HIVEP1: variants seen among roughly 807,000 people sequenced by gnomAD.
HIVEP1 encodes zinc finger protein 40.
A neutral mutation model predicts 180.0 loss-of-function variants in HIVEP1; 36 were observed. That is an observed-to-expected ratio of 0.20 (90% CI 0.15 to 0.26). The LOEUF (loss-of-function observed/expected upper bound fraction) is 0.26. Ranked by LOEUF, HIVEP1 falls within the 10% of genes least tolerant of loss-of-function variation. The probability of loss-of-function intolerance (pLI) is 1.00; values close to 1 mark genes in which losing one functional copy is unlikely to be tolerated. For missense variants in HIVEP1, 3,143 were observed against 3,268.7 expected (o/e 0.96, Z 0.94); for synonymous variants, 1,239 against 1,239.0 (o/e 1.00, Z 0.00).
chr6:12,162,953 G>T (rs1453533913), intron 8 of HIVEP1, among the ~76,000 whole-genome samples: 1 of 152,152 alleles, frequency 6.6e-6, no homozygotes, highest in South Asian at 2.1e-4. Flanking sequence ...AAAAATAGCA[G>T]CTTAAGAATA....
intron 7 of HIVEP1, among the ~76,000 whole-genome samples, chr6:12,141,722 C>CAAAAAAAAAAAAAAAAA (rs1759048706): frequency 1.9e-5 from 1 of 53,142 alleles, no homozygotes; most frequent in Non-Finnish European, 3.8e-5. Context: ...AAAAAAAAAG[C>CAAAAAAAAAAAAAAAAA]AGGGGTTGCA....
chr6:12,155,875 G>C (rs1462464328), intron 7 of HIVEP1, among the ~76,000 whole-genome samples: 1 of 152,152 alleles, frequency 6.6e-6, no homozygotes, highest in African/African-American at 2.4e-5. Context: ...CACTAGCAGT[G>C]TCAAAGCATT....
chr6:12,022,044 A>C (rs1768257385), intron 2 of HIVEP1, among the ~76,000 whole-genome samples: 3 of 152,256 alleles, frequency 2.0e-5, no homozygotes, highest in African/African-American at 7.2e-5. Flanking sequence ...TTGAACCTCG[A>C]GTAGGAAATG....
At chr6:12,169,902 T>C (rs568763960), downstream of HIVEP1, among the ~76,000 whole-genome samples, 340 of 152,038 alleles carry the variant, frequency 2.2e-3, 1 homozygote, top group Non-Finnish European at 2.9e-3. Flanking sequence ...GGGCAGATCA[T>C]GAGGTCAGGA....
Position 12,121,347 on chromosome 6 carries a change from A to G in HIVEP1, c.1552A>G (p.Ile518Val), listed in dbSNP as rs1205437309. 1.2e-6 allele frequency: 2 copies of G among 1,614,088 alleles called. No homozygotes were observed. Among genetic ancestry groups the G allele is most frequent in the African/African-American group, 1.3e-5 (1 of 74,932 alleles). The change falls in exon 4 of 9, where the codon ATA becomes GTA. Residue 518 changes from isoleucine to valine, a missense_variant. Ile to Val is a conservative substitution (Grantham distance 29). Transcript: ENST00000379388. This position sits in a 1 kb window ranked among gnomAD's most constrained non-coding sequence, Gnocchi z 5.3. ...LGAMELQPVH[I>V]IKRMSNAETL... ...CGCCATGGAGCTGCAGCCTGTGCAC[A>G]TAATAAAGAGGATGTCAAATGCTGA...
chr6:12,202,624 C>T, the HIVEP1 span, among the ~76,000 whole-genome samples: 1 of 151,916 alleles, frequency 6.6e-6, no homozygotes, highest in Non-Finnish European at 1.5e-5. Flanking sequence ...TTTTCCAGTC[C>T]TTTCATGACA....
intron 6 of HIVEP1, among the ~76,000 whole-genome samples, chr6:12,133,891 T>A (rs1186472045): frequency 6.6e-6 from 1 of 151,184 alleles, no homozygotes; most frequent in Non-Finnish European, 1.5e-5. Flanking sequence ...GGCAAAAGAA[T>A]GGCTTGAACC....
chr6:12,170,947 T>G, the HIVEP1 span, among the ~76,000 whole-genome samples: 1 of 152,180 alleles, frequency 6.6e-6, no homozygotes, highest in African/African-American at 2.4e-5. Flanking sequence ...TTCTTTTTAG[T>G]TGGCGGACTG....
At chr6:12,055,762 T>C (rs1770827830) in intron 2 of HIVEP1, among the ~76,000 whole-genome samples, 1 of 152,234 alleles carries the variant, frequency 6.6e-6, no homozygotes. Flanking sequence ...ATTTCATCAC[T>C]ATGATTAAAA....
Position 12,161,767 on chromosome 6 carries a change from C to A in HIVEP1, c.6816C>A (p.Leu2272=), listed in dbSNP as rs773036636. 1.7e-5 allele frequency: 27 copies of A among 1,614,076 alleles called. No individual in the cohort carries two copies. The highest frequency in any genetic ancestry group is 2.1e-5 in the Non-Finnish European group (25 of 1,180,038). Residue 2272 remains leucine, a synonymous_variant, in exon 8 of 9, where the codon CTC becomes CTA. Transcript: ENST00000379388. ...TAQSDYNRKT[L]SPGKARQRAA... is the part of the protein sequence containing the mutation. ...AGTCTGACTACAATAGGAAGACACT[C>A]TCTCCGGGGAAGGCCAGGCAGCGTG...
chr6:12,191,017 A>G, the HIVEP1 span, among the ~76,000 whole-genome samples: 5 of 152,176 alleles, frequency 3.3e-5, no homozygotes, highest in Non-Finnish European at 1.5e-5. Flanking sequence ...CAGCTGGCAT[A>G]TGCATATTTC....
chr6:12,010,919 A>AC (rs1179475297), upstream of HIVEP1, among the ~76,000 whole-genome samples: 3 of 151,946 alleles, frequency 2.0e-5, no homozygotes, highest in Non-Finnish European at 4.4e-5. Flanking sequence ...CGGTCCGACG[A>AC]CCAGCCCCGC....
At chr6:12,068,841 A>G (rs1181996963) in intron 2 of HIVEP1, among the ~76,000 whole-genome samples, 2 of 152,052 alleles carry the variant, frequency 1.3e-5, no homozygotes, top group Middle Eastern at 3.2e-3. Flanking sequence ...TGAGTAATAC[A>G]TGAACTTAAA....
intron 2 of HIVEP1, among the ~76,000 whole-genome samples, chr6:12,054,117 T>G (rs1257194546): frequency 1.3e-5 from 2 of 152,182 alleles, no homozygotes; most frequent in African/African-American, 4.8e-5. Flanking sequence ...CCACTCTGTG[T>G]TTATTTACTT....
In HIVEP1 at chr6:12,164,384, C is replaced by G. The variant is rs747354975; in HGVS notation, c.8080C>G (p.Pro2694Ala). The stretch of plus-strand genomic sequence containing the variant: ...ACAGGTTCCCAGGCCCACAGCACTA[C>G]CGCGGAGGCAGCCCACTGTGCACTT... ...DRQVPRPTAL[P>A]RRQPTVHFSD... Residue 2694 changes from proline (P) to alanine (A), a missense_variant, in exon 9 of 9, where the codon CCG becomes GCG. Physicochemically the swap from Pro to Ala is conservative, Grantham distance 27. This residue lies in a region of HIVEP1 where 595 missense variants were observed against 602.2 expected (regional missense o/e 0.99). Transcript: ENST00000379388. 9 of 1,614,150 alleles carry G rather than the reference C, an allele frequency of 5.6e-6. No individual in the cohort carries two copies. In the East Asian group the frequency reaches 2.0e-4, roughly 36 times the overall value.
chr6:12,190,681 T>C, the HIVEP1 span, among the ~76,000 whole-genome samples: 2 of 152,174 alleles, frequency 1.3e-5, no homozygotes, highest in Non-Finnish European at 2.9e-5. Context: ...CTTCCTTTCA[T>C]ACTCAATTTC....
At chr6:12,064,743 G>GCCGTACACACA (rs1771455791) in intron 2 of HIVEP1, among the ~76,000 whole-genome samples, 1 of 152,008 alleles carries the variant, frequency 6.6e-6, no homozygotes, top group African/African-American at 2.4e-5. Context: ...CCCTCCCCAC[G>GCCGTACACACA]CCGTACACAC....
chr6:12,100,413 A>G (rs540484217), intron 3 of HIVEP1, among the ~76,000 whole-genome samples: 18 of 152,348 alleles, frequency 1.2e-4, no homozygotes, highest in Admixed American at 1.0e-3. Flanking sequence ...TTTGTTTAGT[A>G]GTGGAGTGGT....
At chr6:12,168,095 A>G (rs1432917097), downstream of HIVEP1, among the ~76,000 whole-genome samples, 94 of 25,738 alleles carry the variant, frequency 3.7e-3, 34 homozygotes, top group African/African-American at 0.011. Flanking sequence ...ATATATACAC[A>G]TACACGTATA....
Sources: allele counts gnomAD v4.1 joint callset (sites outside exome capture counted in the v4.1 genomes callset), GRCh38; gene constraint gnomAD v4.1.1; regional missense constraint gnomAD v4.1.1; non-coding constraint Gnocchi (gnomAD v3.1); transcripts MANE v1.5; gene names NCBI Gene and HGNC (gene_info 2026-07-23, HGNC 2026-07-21).